Variants in COL11A1 observed in about 807,000 individuals in gnomAD.
COL11A1 encodes the protein collagen alpha-1(XI) chain.
Under a neutral mutation model 265.2 loss-of-function variants are expected in COL11A1, and 74 were observed. The observed-to-expected ratio is 0.28, with a 90% CI of 0.23 to 0.34. The LOEUF is 0.34. COL11A1 is among the 10% of genes least tolerant of loss of function. COL11A1 has a pLI of 1.00. For synonymous variants in COL11A1, 816 were observed against 727.6 expected (o/e 1.12, Z -1.96); for missense variants, 2,165 against 2,263.6 (o/e 0.96, Z 0.88).
At chr1:102,895,243 G>T (rs1285767394) in intron 57 of COL11A1, among the ~76,000 whole-genome samples, 1 of 152,100 alleles carries the variant, frequency 6.6e-6, no homozygotes, top group Admixed American at 6.6e-5. Context: ...TTCATATCCA[G>T]AAACTTCCTA....
At chr1:102,979,227 A>C in intron 32 of COL11A1, 123 bp from the exon 33 acceptor site, 2 of 1,262,992 alleles carry the variant, frequency 1.6e-6, no homozygotes, top group Non-Finnish European at 2.3e-6. Context: ...TCATTTAGAG[A>C]CAGACTTGCT....
In COL11A1 at chr1:103,012,590, A is replaced by G. The variant is rs145159526; in HGVS notation, c.1573-121T>C. The G allele has an allele frequency of 4.9e-3, 3,703 of 760,022 alleles. 13 individuals carry two copies. Among genetic ancestry groups the G allele is most frequent in the Middle Eastern group, 8.6e-3 (27 of 3,122 alleles). 47.1% of individuals were successfully genotyped at this position (760,022 alleles called of 1,614,324 possible). A position where few individuals can be genotyped will look rare whatever the true frequency, so the allele number is the denominator to read the frequency against. The stretch of plus-strand genomic sequence containing the variant: ...TGATCAACACAGATTTAATAACTAC[A>G]TGCTAGAAAGAGTGTCAGGTTACTG... On this transcript the variant is annotated intron_variant, in intron 13 of 66. Coordinates refer to ENST00000370096, the MANE Select transcript of COL11A1 (RefSeq NM_001854.4).
intron 54 of COL11A1, among the ~76,000 whole-genome samples, chr1:102,901,746 G>A (rs1653232763): frequency 6.6e-6 from 1 of 152,130 alleles, no homozygotes; most frequent in Admixed American, 6.5e-5. Context: ...CTACTCAAGA[G>A]AACTATTCTT....
intron 4 of COL11A1, among the ~76,000 whole-genome samples, chr1:103,049,870 G>A (rs1046245953): frequency 9.2e-5 from 14 of 152,038 alleles, no homozygotes; most frequent in East Asian, 1.9e-4. Flanking sequence ...GCTTTGATTC[G>A]CTGGAAATGA....
chr1:102,888,592 C>A lies in COL11A1; in HGVS notation c.4593G>T (p.Gly1531=). The change falls in exon 62 of 67, where the codon GGG becomes GGT. Residue 1531 remains glycine (G), a synonymous_variant. Coordinates refer to ENST00000370096, the MANE Select transcript of COL11A1 (RefSeq NM_001854.4). ...ATATACTTACTGGAGACCCAGGAGG[C>A]CCTGGAAGACCACTGTCACCTTTCT... is the stretch of plus-strand genomic sequence containing the variant. ...AGQKGDSGLP[G]PPGSPGPPGE... 6.2e-7 allele frequency: 1 copy of A among 1,613,318 alleles called. No homozygotes were observed. The highest frequency in any genetic ancestry group is 8.5e-7 in the Non-Finnish European group (1 of 1,179,388).
intron 2 of COL11A1, among the ~76,000 whole-genome samples, chr1:103,082,257 A>G (rs1672474786): frequency 6.6e-6 from 1 of 152,024 alleles, no homozygotes; most frequent in African/African-American, 2.4e-5. Flanking sequence ...CTTTTCTTAT[A>G]TTTTAGATAA....
intron 46 of COL11A1, among the ~76,000 whole-genome samples, chr1:102,931,043 G>C (rs879656524): frequency 0.043 from 6,360 of 146,590 alleles, 195 homozygotes; most frequent in South Asian, 0.15. Flanking sequence ...CAAAAAACCA[G>C]CTCCTGGATT....
intron 59 of COL11A1, 38 bp from the exon 60 acceptor site, chr1:102,888,957 A>C (rs1486371940): frequency 6.4e-7 from 1 of 1,565,418 alleles, no homozygotes; most frequent in Admixed American, 1.7e-5. Context: ...GGATTTTCTC[A>C]GCTATTTCAT....
In COL11A1 at chr1:103,026,303, G is replaced by C. The variant is rs1384158012; in HGVS notation, c.810C>G (p.Asp270Glu). ...EYAPEDIIEY[D>E]YEYGEAEYKE... ...TATACTCTGCTTCCCCATACTCATAGTCATATTCGATTATATCCTCTGGTG... is the reference window on the plus strand; with the variant it reads ...TATACTCTGCTTCCCCATACTCATACTCATATTCGATTATATCCTCTGGTG... The change falls in exon 6 of 67, where the codon GAC becomes GAG. Residue 270 changes from aspartate (D) to glutamate (E), a missense_variant. By Grantham distance (45) the Asp-to-Glu change is conservative. Transcript: ENST00000370096. The C allele has an allele frequency of 6.8e-6, 11 of 1,613,108 alleles. No homozygotes were observed. Among genetic ancestry groups the C allele is most frequent in the African/African-American group, 1.3e-5 (1 of 74,846 alleles).
chr1:102,985,802 T>C (rs550259132), intron 30 of COL11A1, among the ~76,000 whole-genome samples: 18 of 152,316 alleles, frequency 1.2e-4, no homozygotes, highest in African/African-American at 4.1e-4. Flanking sequence ...GATACCCTTT[T>C]AACCACTGGC....
chr1:102,945,765 C>T (rs1163545466), intron 42 of COL11A1, among the ~76,000 whole-genome samples: 1 of 151,948 alleles, frequency 6.6e-6, no homozygotes, highest in African/African-American at 2.4e-5. Context: ...GAGAAGAAAT[C>T]TTAACAAAGA....
chr1:103,050,421 G>T (rs1446051957), intron 4 of COL11A1, among the ~76,000 whole-genome samples: 2 of 152,078 alleles, frequency 1.3e-5, no homozygotes, highest in Admixed American at 6.5e-5. Context: ...CATTCATCAC[G>T]TAGTTCTCGT....
chr1:103,042,894 A>T (rs1468267234), intron 4 of COL11A1, among the ~76,000 whole-genome samples: 1 of 150,458 alleles, frequency 6.6e-6, no homozygotes, highest in Non-Finnish European at 1.5e-5. Flanking sequence ...CTACTTGAAG[A>T]CCTAATATAG....
At chr1:103,091,972 T>A (rs1199749683) in intron 1 of COL11A1, among the ~76,000 whole-genome samples, 1 of 152,102 alleles carries the variant, frequency 6.6e-6, no homozygotes, top group Non-Finnish European at 1.5e-5. Context: ...AGTGAACAAA[T>A]GTAAATGTAT....
At chr1:102,920,910 ACTT>A (rs1655918973) in intron 48 of COL11A1, among the ~76,000 whole-genome samples, 1 of 152,174 alleles carries the variant, frequency 6.6e-6, no homozygotes, top group African/African-American at 2.4e-5. Flanking sequence ...GGAAACATAG[ACTT>A]CTTCATTGTG....
chr1:102,936,359 A>G (rs1363720463), intron 44 of COL11A1, among the ~76,000 whole-genome samples: 1 of 151,268 alleles, frequency 6.6e-6, no homozygotes, highest in Non-Finnish European at 1.5e-5. Flanking sequence ...GGCTGACAGA[A>G]AAACTATGAT....
chr1:103,068,597 G>A (rs1272245541), intron 4 of COL11A1, among the ~76,000 whole-genome samples: 1 of 151,382 alleles, frequency 6.6e-6, no homozygotes, highest in Non-Finnish European at 1.5e-5. Flanking sequence ...TATATTCGAT[G>A]TATATCCCAT....
chr1:102,937,090 A>G (rs569232654), intron 44 of COL11A1, among the ~76,000 whole-genome samples: 165 of 152,176 alleles, frequency 1.1e-3, no homozygotes, highest in Non-Finnish European at 2.1e-3. Context: ...GCTAGTTTTT[A>G]TTAAAAGTGC....
In COL11A1 at chr1:103,074,647, T is replaced by G; in HGVS notation, c.622A>C (p.Thr208Pro). ...VDTNGITVFG[T>P]RILDEEVFEG... ...AAAACTTCTTCATCCAAAATCCTTGTTCCAAAAACCGTGATTCCATTGGTA... is the reference window on the plus strand; with the variant it reads ...AAAACTTCTTCATCCAAAATCCTTGGTCCAAAAACCGTGATTCCATTGGTA... The change falls in exon 4 of 67, where the codon ACA (threonine) becomes CCA (proline). Residue 208 changes from threonine to proline, a missense_variant. Transcript: ENST00000370096. The G allele has an allele frequency of 1.2e-6, 2 of 1,613,268 alleles. No individual in the cohort carries two copies.
Sources: allele counts gnomAD v4.1 joint callset (sites outside exome capture counted in the v4.1 genomes callset), GRCh38; gene constraint gnomAD v4.1.1; transcripts MANE v1.5; gene names NCBI Gene and HGNC (gene_info 2026-07-23, HGNC 2026-07-21).